Variants in LRRC8E observed in about 807,000 individuals in gnomAD.
LRRC8E encodes the protein leucine rich repeat containing 8 VRAC subunit E.
In LRRC8E, 6 loss-of-function variants were observed where a neutral mutation model predicts 6.1. The ratio of observed to expected loss-of-function variants is 0.98; its 90% CI spans 0.54 to 1.93. LRRC8E has a LOEUF of 1.93. Ranked by LOEUF, LRRC8E falls within the 30% of genes most tolerant of loss-of-function variation. The pLI is 0.01. For missense variants in LRRC8E, 1,028 were observed against 1,031.4 expected, an observed-to-expected ratio of 1.00 and a Z score of 0.04; for synonymous variants, 485 against 472.8, an observed-to-expected ratio of 1.03 and a Z score of -0.33.
In LRRC8E at chr19:7,899,596, C is replaced by G. The variant is rs1322044034; in HGVS notation, c.1074C>G (p.Asp358Glu). Residue 358 changes from aspartate (D) to glutamate (E), a missense_variant, in exon 3 of 3, where the codon GAC becomes GAG. By Grantham distance (45) the Asp-to-Glu change is conservative. Coordinates refer to ENST00000306708, the MANE Select transcript of LRRC8E (RefSeq NM_025061.6). Reference sequence around the variant, plus strand: ...AGACTGGCATGGGGGACATTCCTGACGTCAAGAATGACTTCGCCTTCATGC... The same window carrying G: ...AGACTGGCATGGGGGACATTCCTGAGGTCAAGAATGACTTCGCCTTCATGC... ...REETGMGDIPDVKNDFAFMLH... is the reference protein window; with the variant it reads ...REETGMGDIPEVKNDFAFMLH... 2 of 1,613,680 alleles carry G rather than the reference C, an allele frequency of 1.2e-6. No individual in the cohort carries two copies. Among genetic ancestry groups the G allele is most frequent in the African/African-American group, 1.3e-5 (1 of 74,952 alleles).
chr19:7,888,917 T>C (rs1294128154), intron 1 of LRRC8E, among the ~76,000 whole-genome samples: 1 of 152,168 alleles, frequency 6.6e-6, no homozygotes, highest in African/African-American at 2.4e-5. Flanking sequence ...TGGGAAGACA[T>C]TGACAACTCA....
At position 7,900,686 on chromosome 19, in the gene LRRC8E, C is replaced by T. The variant is rs757886685; in HGVS notation, c.2164C>T (p.Arg722Cys). The T allele has an allele frequency of 3.1e-5, 50 of 1,613,338 alleles. 1 individual carries two copies. Among genetic ancestry groups the T allele is most frequent in the Admixed American group, 5.0e-5 (3 of 60,012 alleles). The change falls in exon 3 of 3, where the codon CGC (arginine) becomes TGC (cysteine). Residue 722 changes from arginine (R) to cysteine (C), a missense_variant. Coordinates refer to ENST00000306708, the MANE Select transcript of LRRC8E (RefSeq NM_025061.6). This position sits in a 1 kb window ranked among gnomAD's most constrained non-coding sequence, Gnocchi z 5.0. ...EALPEELFFCRKLRTLLLGDN... is the reference protein window; with the variant it reads ...EALPEELFFCCKLRTLLLGDN... Reference sequence around the variant, plus strand: ...CCTGCCCGAAGAGCTCTTCTTCTGCCGCAAGCTGCGGACGTTGCTTCTGGG... The same window carrying T: ...CCTGCCCGAAGAGCTCTTCTTCTGCTGCAAGCTGCGGACGTTGCTTCTGGG...
At position 7,899,228 on chromosome 19, in the gene LRRC8E, G is replaced by C. The variant is rs1268986186; in HGVS notation, c.706G>C (p.Glu236Gln). Residue 236 changes from glutamate to glutamine, a missense_variant, in exon 3 of 3, where the codon GAG (glutamate) becomes CAG (glutamine). By Grantham distance (29) the Glu-to-Gln change is conservative. Coordinates refer to ENST00000306708, the MANE Select transcript of LRRC8E (RefSeq NM_025061.6). The part of the protein sequence containing the change: ...KEGEQAKALF[E>Q]KVKKFRMHVE... Reference sequence around the variant, plus strand: ...GGGTGAGCAAGCCAAAGCCCTGTTTGAGAAGGTGAAGAAGTTCCGCATGCA... The same window carrying C: ...GGGTGAGCAAGCCAAAGCCCTGTTTCAGAAGGTGAAGAAGTTCCGCATGCA... The C allele has an allele frequency of 6.2e-7, 1 of 1,614,110 alleles. No individual in the cohort carries two copies. The highest frequency in any genetic ancestry group is 2.2e-5 in the East Asian group (1 of 44,902).
intron 1 of LRRC8E, among the ~76,000 whole-genome samples, chr19:7,894,111 C>T (rs1479549504): frequency 1.3e-5 from 2 of 152,138 alleles, no homozygotes; most frequent in Admixed American, 6.5e-5. Context: ...GTCAGGGGAC[C>T]AGGGTTTCCC....
Position 7,899,662 on chromosome 19 carries a change from C to G in LRRC8E, c.1140C>G (p.Arg380=), listed in dbSNP as rs1981837836. ...IDQYDSLYSK[R]FAVFLSEVSE... ...AGTACGACTCCCTCTACTCCAAGCG[C>G]TTCGCCGTCTTCCTGTCCGAGGTCA... Residue 380 remains arginine, a synonymous_variant, in exon 3 of 3, where the codon CGC becomes CGG. Transcript: ENST00000306708. The G allele has an allele frequency of 4.3e-6, 7 of 1,613,730 alleles. No homozygotes were observed. In the African/African-American group the frequency reaches 6.7e-5, roughly 15 times the overall value.
In LRRC8E at chr19:7,899,398, G is replaced by A. The variant is rs755988248; in HGVS notation, c.876G>A (p.Glu292=). 28 of 1,614,088 alleles carry A rather than the reference G, an allele frequency of 1.7e-5. No homozygotes were observed. The highest frequency in any genetic ancestry group is 2.2e-5 in the Non-Finnish European group (26 of 1,180,048). The change falls in exon 3 of 3, where the codon GAG becomes GAA. Residue 292 remains glutamate, a synonymous_variant. Coordinates refer to ENST00000306708, the MANE Select transcript of LRRC8E (RefSeq NM_025061.6). ...FLVACRVETS[E]VTGYASFCCN... ...TGGCCTGTAGGGTGGAGACGTCAGA[G>A]GTCACGGGCTACGCCAGCTTCTGCT... is the stretch of plus-strand genomic sequence containing the variant.
chr19:7,889,380 T>C (rs1450402108), intron 1 of LRRC8E, among the ~76,000 whole-genome samples: 1 of 150,776 alleles, frequency 6.6e-6, no homozygotes, highest in East Asian at 1.9e-4. Context: ...AGGTGGAGGT[T>C]GCAGTGAGTT....
rs762032320 is a variant in LRRC8E, at chr19:7,895,663, C to G, written c.60C>G (p.Leu20=). ...FTEQQPAFKV[L]KPWWDVLAEY... Reference sequence around the variant, plus strand: ...AACAGCAGCCTGCGTTCAAGGTGCTCAAACCCTGGTGGGACGTGCTGGCCG... The same window carrying G: ...AACAGCAGCCTGCGTTCAAGGTGCTGAAACCCTGGTGGGACGTGCTGGCCG... The change falls in exon 2 of 3, where the codon CTC becomes CTG. Residue 20 remains leucine (L), a synonymous_variant. Transcript: ENST00000306708. The surrounding 1 kb of genome is among the most constrained non-coding windows in gnomAD (Gnocchi z 4.7). The G allele has an allele frequency of 4.3e-6, 7 of 1,614,176 alleles. No homozygotes were observed. In the South Asian group the frequency reaches 5.5e-5, roughly 13 times the overall value.
chr19:7,899,972 G>T lies in LRRC8E; in HGVS notation c.1450G>T (p.Asp484Tyr), dbSNP rs755375767. ...CTTCTCCTTGCAGGTCTTCCTGCGG[G>T]ACCACCTGAAGGTGATGCGCGTCAA... ...LPFSLQVFLR[D>Y]HLKVMRVKCE... is the part of the protein sequence containing the mutation. The change falls in exon 3 of 3, where the codon GAC becomes TAC. Residue 484 changes from aspartate to tyrosine, a missense_variant. By Grantham distance (160) the Asp-to-Tyr change is radical (BLOSUM62 -3). Coordinates refer to ENST00000306708, the MANE Select transcript of LRRC8E (RefSeq NM_025061.6). 5.6e-6 allele frequency: 9 copies of T among 1,609,428 alleles called. No individual in the cohort carries two copies. Among genetic ancestry groups the T allele is most frequent in the Middle Eastern group, 1.6e-4 (1 of 6,078 alleles).
chr19:7,889,880 GCTGGGA>G (rs996313857), intron 1 of LRRC8E, among the ~76,000 whole-genome samples: 1 of 151,766 alleles, frequency 6.6e-6, no homozygotes, highest in African/African-American at 2.4e-5. Flanking sequence ...CTCCTGAGTA[GCTGGGA>G]CTACAAGCAT....
chr19:7,895,413 C>A lies in LRRC8E; in HGVS notation c.-5-186C>A. 1.5e-6 allele frequency: 1 copy of A among 656,014 alleles called. No individual in the cohort carries two copies. The highest frequency in any genetic ancestry group is 2.7e-5 in the Admixed American group (1 of 36,814). 40.6% of individuals were successfully genotyped at this position (656,014 alleles called of 1,614,324 possible). A position where few individuals can be genotyped will look rare whatever the true frequency, so the allele number is the denominator to read the frequency against. On this transcript the variant is annotated intron_variant, in intron 1 of 2. Transcript: ENST00000306708. The surrounding 1 kb of genome is among the most constrained non-coding windows in gnomAD (Gnocchi z 4.7). ...CCGCTTGGTTCTGGGCAGGTGGTGACGTCTGCATGGAGGGTGACTAAGGCC... is the reference window on the plus strand; with the variant it reads ...CCGCTTGGTTCTGGGCAGGTGGTGAAGTCTGCATGGAGGGTGACTAAGGCC...
chr19:7,900,843 G>A lies in LRRC8E; in HGVS notation c.2321G>A (p.Gly774Glu), dbSNP rs1241948645. 1 of 1,562,968 alleles carries A rather than the reference G, an allele frequency of 6.4e-7. No homozygotes were observed. Among genetic ancestry groups the A allele is most frequent in the Non-Finnish European group, 8.7e-7 (1 of 1,156,040 alleles). The change falls in exon 3 of 3, where the codon GGG becomes GAG. Residue 774 changes from glycine (G) to glutamate (E), a missense_variant. Physicochemically the swap from Gly to Glu is moderately conservative, Grantham distance 98. Transcript: ENST00000306708. The surrounding 1 kb of genome is among the most constrained non-coding windows in gnomAD (Gnocchi z 5.0). ...LGNCGGLKKA[G>E]LLVEDTLYQG... is the part of the protein sequence containing the mutation. ...AACTGTGGGGGGCTCAAGAAGGCGG[G>A]GCTCCTGGTGGAAGACACGCTTTAC...
rs1012294351 is a variant in LRRC8E at position 7,895,344 on chromosome 19, G to A, written c.-5-255G>A. 2.1e-6 allele frequency: 1 copy of A among 479,194 alleles called. No individual in the cohort carries two copies. The highest frequency in any genetic ancestry group is 3.9e-6 in the Non-Finnish European group (1 of 259,522). 29.7% of individuals were successfully genotyped at this position (479,194 alleles called of 1,614,324 possible). A position where few individuals can be genotyped will look rare whatever the true frequency, so the allele number is the denominator to read the frequency against. ...ATCCCTCATGTGCTCTTCGAGGTCAGACAAGTCAGATCAGGTGCAGGGGTG... is the reference window on the plus strand; with the variant it reads ...ATCCCTCATGTGCTCTTCGAGGTCAAACAAGTCAGATCAGGTGCAGGGGTG... On this transcript the variant is annotated intron_variant, in intron 1 of 2. Coordinates refer to ENST00000306708, the MANE Select transcript of LRRC8E (RefSeq NM_025061.6). This position sits in a 1 kb window ranked among gnomAD's most constrained non-coding sequence, Gnocchi z 4.7.
chr19:7,899,836 G>C lies in LRRC8E; in HGVS notation c.1314G>C (p.Glu438Asp). The part of the protein sequence containing the change: ...GLPDTVFELS[E>D]VESLRLEAIC... The stretch of plus-strand genomic sequence containing the variant: ...CCGACACCGTCTTTGAGCTCAGTGA[G>C]GTGGAGTCACTCAGGCTGGAGGCCA... Residue 438 changes from glutamate to aspartate, a missense_variant, in exon 3 of 3, where the codon GAG (glutamate) becomes GAC (aspartate). Coordinates refer to ENST00000306708, the MANE Select transcript of LRRC8E (RefSeq NM_025061.6). 6.2e-7 allele frequency: 1 copy of C among 1,606,670 alleles called. No individual in the cohort carries two copies. Among genetic ancestry groups the C allele is most frequent in the Non-Finnish European group, 8.5e-7 (1 of 1,179,918 alleles).
Position 7,899,174 on chromosome 19 carries a change from C to G in LRRC8E, c.652C>G (p.Pro218Ala). ...ACCGGAGAAGGTGGTGACCGAGCCT[C>G]CAGTTGTCACCCTGTTGGACAAGAA... ...AEPEKVVTEP[P>A]VVTLLDKKEG... is the part of the protein sequence containing the mutation. The change falls in exon 3 of 3, where the codon CCA becomes GCA. Residue 218 changes from proline (P) to alanine (A), a missense_variant. Pro to Ala is a conservative substitution (Grantham distance 27, BLOSUM62 -1). Coordinates refer to ENST00000306708, the MANE Select transcript of LRRC8E (RefSeq NM_025061.6). 6.2e-7 allele frequency: 1 copy of G among 1,614,120 alleles called. No homozygotes were observed. The highest frequency in any genetic ancestry group is 8.5e-7 in the Non-Finnish European group (1 of 1,180,018).
rs533187379 is a variant in LRRC8E, at chr19:7,894,275, G to C, written c.-5-1324G>C. On this transcript the variant is annotated intron_variant, in intron 1 of 2. Coordinates refer to ENST00000306708, the MANE Select transcript of LRRC8E (RefSeq NM_025061.6). ...GAGTCTCACTCTGTCACCCAGGCTG[G>C]AGTGCAGTGGCACGGTCTCACTTCA... is the stretch of plus-strand genomic sequence containing the variant. 2.0e-5 allele frequency among the ~76,000 whole-genome samples: 3 copies of C among 152,236 alleles called. No individual in the cohort carries two copies. The East Asian group carries it at 5.8e-4, about 29-fold the overall frequency.
At chr19:7,892,814 G>C (rs1214831046) in intron 1 of LRRC8E, among the ~76,000 whole-genome samples, 1 of 152,072 alleles carries the variant, frequency 6.6e-6, no homozygotes, top group Non-Finnish European at 1.5e-5. Context: ...TTGTAGTCGG[G>C]TTTCTTTTCT....
chr19:7,895,720 G>A lies in LRRC8E; in HGVS notation c.117G>A (p.Gly39=). 5 of 1,614,062 alleles carry A rather than the reference G, an allele frequency of 3.1e-6. No homozygotes were observed. Among genetic ancestry groups the A allele is most frequent in the Non-Finnish European group, 4.2e-6 (5 of 1,179,956 alleles). The part of the protein sequence containing the change: ...EYLTVAMLMI[G]VFGCTLQVTQ... ...TCACCGTGGCCATGCTCATGATTGG[G>A]GTCTTTGGCTGCACCCTCCAGGTGA... The change falls in exon 2 of 3, where the codon GGG becomes GGA. Residue 39 remains glycine (G), a synonymous_variant. Coordinates refer to ENST00000306708, the MANE Select transcript of LRRC8E (RefSeq NM_025061.6). This position sits in a 1 kb window ranked among gnomAD's most constrained non-coding sequence, Gnocchi z 4.7.
chr19:7,899,791 C>T lies in LRRC8E; in HGVS notation c.1269C>T (p.Leu423=). The stretch of plus-strand genomic sequence containing the variant: ...CCGCGGGCCGGCTGGAGCTGGCCCT[C>T]TGCATGCTGCCGGGTCTGCCCGACA... The part of the protein sequence containing the change: ...RNAAGRLELA[L]CMLPGLPDTV... The change falls in exon 3 of 3, where the codon CTC becomes CTT. Residue 423 remains leucine, a synonymous_variant. Transcript: ENST00000306708. 6.2e-7 allele frequency: 1 copy of T among 1,609,148 alleles called. No homozygotes were observed. Among genetic ancestry groups the T allele is most frequent in the Non-Finnish European group, 8.5e-7 (1 of 1,180,002 alleles).
Sources: gnomAD v4.1 joint callset for allele counts (sites outside exome capture counted in the v4.1 genomes callset) on GRCh38, gnomAD v4.1.1 for gene constraint, Gnocchi (gnomAD v3.1) non-coding constraint, MANE v1.5 for transcripts, NCBI Gene and HGNC (gene_info 2026-07-23, HGNC 2026-07-21) for gene names.